The following PSD3 variants were observed in gnomAD, a reference collection of about 807,000 sequenced individuals.
The protein encoded by PSD3 is pleckstrin and Sec7 domain containing 3.
A neutral mutation model predicts 105.5 loss-of-function variants in PSD3; 49 were observed. The ratio of observed to expected loss-of-function variants is 0.46; its 90% CI spans 0.37 to 0.59. The LOEUF is 0.59. PSD3 is among the 20% of genes least tolerant of loss of function. The pLI, the probability that PSD3 is intolerant of heterozygous loss-of-function variation, is 0.00. For missense variants in PSD3, 1,561 were observed against 1,263.8 expected (o/e 1.24, Z -3.57); for synonymous variants, 557 against 457.8 (o/e 1.22, Z -2.77).
At chr8:19,081,757 C>G (rs6651477) in intron 1 of PSD3, among the ~76,000 whole-genome samples, 1 of 152,024 alleles carries the variant, frequency 6.6e-6, no homozygotes. Context: ...TGTTTCATCA[C>G]TGAGAGAATA....
chr8:18,760,691 A>G (rs543428492), intron 9 of PSD3, among the ~76,000 whole-genome samples: 1 of 152,336 alleles, frequency 6.6e-6, no homozygotes, highest in South Asian at 2.1e-4. Flanking sequence ...TTCAAAGGTT[A>G]TTCTACAGAG....
At chr8:18,935,352 T>G (rs1822038504) in intron 2 of PSD3, among the ~76,000 whole-genome samples, 1 of 151,878 alleles carries the variant, frequency 6.6e-6, no homozygotes, top group Non-Finnish European at 1.5e-5. Context: ...TGTGGAAATG[T>G]TTCCTAATAA....
chr8:18,601,490 T>C (rs1804437926), intron 11 of PSD3, among the ~76,000 whole-genome samples: 2 of 152,162 alleles, frequency 1.3e-5, no homozygotes, highest in Admixed American at 1.3e-4. Flanking sequence ...TTTGACTGAA[T>C]ACTCAAGAAT....
At chr8:18,894,196 C>G (rs1159421894) in intron 2 of PSD3, among the ~76,000 whole-genome samples, 1 of 152,210 alleles carries the variant, frequency 6.6e-6, no homozygotes, top group African/African-American at 2.4e-5. Context: ...TTTGTACTCA[C>G]TACAAAGTAC....
chr8:19,076,114 G>A (rs887864380), intron 1 of PSD3, among the ~76,000 whole-genome samples: 7 of 139,802 alleles, frequency 5.0e-5, no homozygotes, highest in South Asian at 4.7e-4. Context: ...ATAAAAATAC[G>A]GTGGAAGGGC....
intron 9 of PSD3, among the ~76,000 whole-genome samples, chr8:18,703,369 T>G (rs1801701998): frequency 1.3e-5 from 2 of 152,174 alleles, no homozygotes; most frequent in African/African-American, 4.8e-5. Context: ...CCCTTAAAGG[T>G]ATGAAAAGGT....
chr8:19,020,320 T>A (rs1679626824), intron 1 of PSD3, among the ~76,000 whole-genome samples: 1 of 152,060 alleles, frequency 6.6e-6, no homozygotes, highest in Non-Finnish European at 1.5e-5. Context: ...CAAAGGATAT[T>A]GAGAGAAGAC....
At chr8:18,684,482 A>C (rs1800555790) in intron 9 of PSD3, among the ~76,000 whole-genome samples, 1 of 152,230 alleles carries the variant, frequency 6.6e-6, no homozygotes, top group African/African-American at 2.4e-5. Flanking sequence ...GATGGACGTC[A>C]AAAGGCTCAA....
intron 11 of PSD3, among the ~76,000 whole-genome samples, chr8:18,615,599 G>A (rs1805599771): frequency 6.6e-6 from 1 of 152,198 alleles, no homozygotes; most frequent in Admixed American, 6.5e-5. Context: ...TGAAAGGTGT[G>A]AACATTGATC....
chr8:19,072,772 T>G (rs1455449816), intron 1 of PSD3, among the ~76,000 whole-genome samples: 1 of 152,176 alleles, frequency 6.6e-6, no homozygotes, highest in East Asian at 1.9e-4. Context: ...GGTCTGCATA[T>G]TCTGTGCTAG....
At chr8:18,943,983 T>G (rs1563448451) in intron 1 of PSD3, among the ~76,000 whole-genome samples, 1 of 151,988 alleles carries the variant, frequency 6.6e-6, no homozygotes, top group Non-Finnish European at 1.5e-5. Flanking sequence ...TATTAGTAAA[T>G]AACTTAACCA....
At chr8:18,901,057 G>C (rs1033831465) in intron 2 of PSD3, among the ~76,000 whole-genome samples, 1 of 152,074 alleles carries the variant, frequency 6.6e-6, no homozygotes, top group African/African-American at 2.4e-5. Flanking sequence ...GTGTATATAA[G>C]TTTTGATAAA....
In PSD3 at chr8:18,589,746, C is replaced by T. The variant is rs143308085; in HGVS notation, c.2481+10618G>A. On this transcript the variant is annotated intron_variant, in intron 12 of 15. Coordinates refer to ENST00000327040, the MANE Select transcript of PSD3 (RefSeq NM_015310.4). The stretch of plus-strand genomic sequence containing the variant: ...CCCTGAAATGAGCCAAGGAGATGGG[C>T]GAGGAGGCGAGGGCTTCTAAGCAGA... 1.9e-3 allele frequency among the ~76,000 whole-genome samples: 283 copies of T among 152,128 alleles called. 1 individual carries two copies. Among genetic ancestry groups the T allele is most frequent in the South Asian group, 0.014 (67 of 4,820 alleles).
intron 11 of PSD3, among the ~76,000 whole-genome samples, chr8:18,620,342 G>GTTTTTTT (rs57785765): frequency 1.3e-3 from 157 of 121,666 alleles, no homozygotes; most frequent in South Asian, 3.4e-3. Flanking sequence ...TTGGGTTTGT[G>GTTTTTTT]TTTTTTTTTT....
Position 18,632,903 on chromosome 8 carries a change from G to A in PSD3, c.2217-97C>T, listed in dbSNP as rs545662739. The A allele has an allele frequency of 6.3e-6, 6 of 951,224 alleles. No individual in the cohort carries two copies. The Admixed American group carries it at 1.3e-4, about 21-fold the overall frequency. 58.9% of individuals were successfully genotyped at this position (951,224 alleles called of 1,614,324 possible). Reference sequence around the variant, plus strand: ...TAAAAAACTACATTGTATTCCAATGGTGTATCACTTTTTATAACCACCACC... The same window carrying A: ...TAAAAAACTACATTGTATTCCAATGATGTATCACTTTTTATAACCACCACC... On this transcript the variant is annotated intron_variant, in intron 10 of 15. Transcript: ENST00000327040.
At chr8:18,859,408 A>C (rs576596895) in intron 4 of PSD3, among the ~76,000 whole-genome samples, 19 of 152,248 alleles carry the variant, frequency 1.2e-4, no homozygotes, top group African/African-American at 4.3e-4. Flanking sequence ...GAAAATGAGC[A>C]CTAACTTCAA....
intron 1 of PSD3, among the ~76,000 whole-genome samples, chr8:19,038,006 A>G (rs1828000025): frequency 6.6e-6 from 1 of 151,232 alleles, no homozygotes; most frequent in African/African-American, 2.4e-5. Flanking sequence ...GATTATTTAT[A>G]TATACAATCT....
chr8:18,892,739 C>T (rs1250247300), intron 2 of PSD3, among the ~76,000 whole-genome samples: 2 of 151,834 alleles, frequency 1.3e-5, no homozygotes, highest in African/African-American at 2.4e-5. Context: ...ATTCTCACAC[C>T]TCAGCCTCCC....
At chr8:19,013,155 C>T (rs1217948622) in intron 1 of PSD3, among the ~76,000 whole-genome samples, 1 of 152,052 alleles carries the variant, frequency 6.6e-6, no homozygotes, top group Non-Finnish European at 1.5e-5. Context: ...TCCGTTTGCT[C>T]GCTCAATTCA....
Sources: allele counts gnomAD v4.1 joint callset (sites outside exome capture counted in the v4.1 genomes callset), GRCh38; gene constraint gnomAD v4.1.1; transcripts MANE v1.5; gene names NCBI Gene and HGNC (gene_info 2026-07-23, HGNC 2026-07-21).